Variants in MTMR7 observed in about 807,000 individuals in gnomAD.
MTMR7 encodes phosphatidylinositol-3-phosphate phosphatase MTMR7.
In MTMR7, 76 loss-of-function variants were observed where a neutral mutation model predicts 81.2. That is an observed-to-expected ratio of 0.94 (90% CI 0.78 to 1.13). MTMR7 has a LOEUF of 1.13. Ranked by LOEUF, MTMR7 falls within the 50% of genes most tolerant of loss-of-function variation. The pLI is 0.00. For synonymous variants in MTMR7, 372 were observed against 289.8 expected (o/e 1.28, Z -2.88); for missense variants, 1,044 against 820.0 (o/e 1.27, Z -3.34).
At chr8:17,387,008 G>C (rs572473347) in intron 1 of MTMR7, among the ~76,000 whole-genome samples, 64 of 152,226 alleles carry the variant, frequency 4.2e-4, no homozygotes, top group African/African-American at 1.5e-3. Context: ...TCTCTGTTCA[G>C]AGCTACAGTA....
Position 17,392,834 on chromosome 8 carries a change from T to A in MTMR7, c.25-19594A>T, listed in dbSNP as rs1821146611. On this transcript the variant is annotated intron_variant, in intron 1 of 13. Transcript: ENST00000180173. ...TGAAATGTTTGGATTTAGAAAATTC[T>A]TTTTATTCTCAAATTTCATGGAAGT... is the stretch of plus-strand genomic sequence containing the variant. 2.6e-5 allele frequency among the ~76,000 whole-genome samples: 4 copies of A among 152,374 alleles called. No individual in the cohort carries two copies. In the East Asian group the frequency reaches 7.7e-4, roughly 29 times the overall value.
chr8:17,299,604 A>G lies in MTMR7; in HGVS notation c.*258T>C, dbSNP rs112484724. 18,487 of 463,148 alleles carry G rather than the reference A, an allele frequency of 0.04. 513 individuals carry two copies. Among genetic ancestry groups the G allele is most frequent in the African/African-American group, 0.089 (4,588 of 51,446 alleles). 28.7% of individuals were successfully genotyped at this position (463,148 alleles called of 1,614,324 possible). On this transcript the variant is annotated 3_prime_UTR_variant, in exon 14 of 14. Transcript: ENST00000180173. ...GTAATGACAGAAGTAATTGCTCTGC[A>G]GTGAATATAATTTTCATAGTCTAGG...
At chr8:17,318,920 C>T (rs574352154) in intron 7 of MTMR7, among the ~76,000 whole-genome samples, 2 of 152,220 alleles carry the variant, frequency 1.3e-5, no homozygotes, top group Non-Finnish European at 2.9e-5. Flanking sequence ...ACATCTCCAA[C>T]GTCTCCTGAA....
chr8:17,319,001 A>C (rs1586174998), intron 7 of MTMR7, among the ~76,000 whole-genome samples: 1 of 152,250 alleles, frequency 6.6e-6, no homozygotes, highest in Admixed American at 6.5e-5. Context: ...TTTTAACAGC[A>C]GGGATTTCAC....
At chr8:17,409,693 C>T (rs1246022071) in intron 1 of MTMR7, among the ~76,000 whole-genome samples, 1 of 151,998 alleles carries the variant, frequency 6.6e-6, no homozygotes, top group East Asian at 1.9e-4. Context: ...AATGAGGAAC[C>T]TAAGGGGAAA....
intron 1 of MTMR7, among the ~76,000 whole-genome samples, chr8:17,378,607 C>G (rs1329387915): frequency 6.6e-6 from 1 of 152,194 alleles, no homozygotes; most frequent in Non-Finnish European, 1.5e-5. Context: ...ACTCATTTGC[C>G]TGCTCCCAGG....
chr8:17,300,367 G>C lies in MTMR7; in HGVS notation c.1621-143C>G. The C allele has an allele frequency of 3.4e-6, 3 of 886,894 alleles. No individual in the cohort carries two copies. In the South Asian group the frequency reaches 5.6e-5, roughly 17 times the overall value. The allele number at this position is 886,894 out of a possible 1,614,324, so 54.9% of individuals were successfully genotyped here. A position where few individuals can be genotyped will look rare whatever the true frequency, so the allele number is the denominator to read the frequency against. On this transcript the variant is annotated intron_variant, in intron 13 of 13. Coordinates refer to ENST00000180173, the MANE Select transcript of MTMR7 (RefSeq NM_004686.5). ...TCAGAGGGATGTGAGTTCAAACCTG[G>C]ACTTCACGACCTTGGACAAAATCTG...
intron 5 of MTMR7, among the ~76,000 whole-genome samples, chr8:17,345,424 C>T (rs1330985387): frequency 1.3e-5 from 2 of 152,246 alleles, no homozygotes; most frequent in African/African-American, 4.8e-5. Context: ...CTGCCTCTCA[C>T]AGCCCCTGGC....
intron 3 of MTMR7, among the ~76,000 whole-genome samples, chr8:17,368,833 G>T (rs1820318555): frequency 6.6e-6 from 1 of 152,212 alleles, no homozygotes; most frequent in Non-Finnish European, 1.5e-5. Flanking sequence ...CTTTGATTCA[G>T]TGAATGACTA....
chr8:17,305,144 C>G (rs1490668914), intron 11 of MTMR7, among the ~76,000 whole-genome samples: 1 of 151,840 alleles, frequency 6.6e-6, no homozygotes, highest in African/African-American at 2.4e-5. Flanking sequence ...AATTAATTTT[C>G]TTTATGAGTC....
At chr8:17,306,143 G>A (rs948615711) in intron 10 of MTMR7, among the ~76,000 whole-genome samples, 186 bp from the exon 11 acceptor site, 11 of 152,196 alleles carry the variant, frequency 7.2e-5, no homozygotes, top group Non-Finnish European at 1.2e-4. Flanking sequence ...ACTTTGTAGT[G>A]ACGGTCTGGA....
intron 7 of MTMR7, among the ~76,000 whole-genome samples, chr8:17,321,653 C>T (rs575112961): frequency 1.3e-5 from 2 of 152,312 alleles, no homozygotes; most frequent in South Asian, 4.1e-4. Context: ...GGCAGAAATA[C>T]TTATTTGTTC....
At chr8:17,311,162 G>A (rs1247602596) in intron 9 of MTMR7, among the ~76,000 whole-genome samples, 1 of 152,112 alleles carries the variant, frequency 6.6e-6, no homozygotes, top group Admixed American at 6.6e-5. Context: ...TTTCTAAAAA[G>A]TCTTCTGTTA....
At chr8:17,369,070 G>A (rs1460045317) in intron 3 of MTMR7, among the ~76,000 whole-genome samples, 1 of 152,114 alleles carries the variant, frequency 6.6e-6, no homozygotes, top group African/African-American at 2.4e-5. Context: ...TTCCCAGTTC[G>A]CTGGGCTATT....
chr8:17,398,497 C>T (rs1216906193), intron 1 of MTMR7, among the ~76,000 whole-genome samples: 1 of 151,628 alleles, frequency 6.6e-6, no homozygotes, highest in Non-Finnish European at 1.5e-5. Context: ...TTTGAAAACA[C>T]ACAGTCAGAG....
At chr8:17,368,728 C>T (rs948216331) in intron 3 of MTMR7, among the ~76,000 whole-genome samples, 3 of 152,190 alleles carry the variant, frequency 2.0e-5, no homozygotes, top group Non-Finnish European at 4.4e-5. Flanking sequence ...TCACCTTCCA[C>T]ACTTATTAAA....
intron 1 of MTMR7, among the ~76,000 whole-genome samples, chr8:17,381,171 T>C (rs1820746855): frequency 6.6e-6 from 1 of 152,216 alleles, no homozygotes; most frequent in African/African-American, 2.4e-5. Context: ...ATGGCTTTTT[T>C]GAATTCCTGT....
chr8:17,410,468 CA>C (rs1360767171), intron 1 of MTMR7, among the ~76,000 whole-genome samples: 1 of 152,162 alleles, frequency 6.6e-6, no homozygotes, highest in Admixed American at 6.5e-5. Context: ...AGCAAGTTTT[CA>C]GAGTGGTAAG....
intron 1 of MTMR7, among the ~76,000 whole-genome samples, chr8:17,375,558 T>C (rs2150568336): frequency 6.6e-6 from 1 of 152,086 alleles, no homozygotes; most frequent in South Asian, 2.1e-4. Context: ...CATCATGGTG[T>C]ATTTTTTGTG....
Sources: gnomAD v4.1 joint callset for allele counts (sites outside exome capture counted in the v4.1 genomes callset) on GRCh38, gnomAD v4.1.1 for gene constraint, MANE v1.5 for transcripts, NCBI Gene and HGNC (gene_info 2026-07-23, HGNC 2026-07-21) for gene names.